UGT1A4: variants seen among roughly 807,000 people sequenced by gnomAD.
UGT1A4 encodes the protein UDP glucuronosyltransferase family 1 member A4.
UGT1A4 carries 32 observed loss-of-function variants against 41.1 expected under a neutral mutation model. That is an observed-to-expected ratio of 0.78 (90% CI 0.59 to 1.05). UGT1A4 has a LOEUF of 1.05. UGT1A4 is among the 50% of genes least tolerant of loss of function. UGT1A4 has a pLI of 0.00. For missense variants in UGT1A4, 748 were observed against 677.4 expected (o/e 1.10, Z -1.16); for synonymous variants, 283 against 265.1 (o/e 1.07, Z -0.66).
chr2:233,771,091 C>CAGG (rs1700235837), intron 4 of UGT1A4: 1 of 152,122 alleles, frequency 6.6e-6, no homozygotes, highest in African/African-American at 2.4e-5. Flanking sequence ...AACTCACTAT[C>CAGG]AGGAAGACAG....
chr2:233,744,809 C>T (rs1203148811), intron 1 of UGT1A4, among the ~76,000 whole-genome samples: 1 of 151,860 alleles, frequency 6.6e-6, no homozygotes. Context: ...CCTAGGATTT[C>T]CTGGCTCATA....
At chr2:233,743,730 C>T (rs189214805) in intron 1 of UGT1A4, 23 of 1,367,266 alleles carry the variant, frequency 1.7e-5, no homozygotes, top group South Asian at 3.4e-5. Context: ...TCATAGATAT[C>T]GCGTTTCTTG....
At position 233,726,533 on chromosome 2, in the gene UGT1A4, T is replaced by A. The variant is rs137884308; in HGVS notation, c.867+6846T>A. 1.1e-3 allele frequency among the ~76,000 whole-genome samples: 170 copies of A among 152,338 alleles called. 1 individual carries two copies. Among genetic ancestry groups the A allele is most frequent in the African/African-American group, 3.9e-3 (162 of 41,582 alleles). On this transcript the variant is annotated intron_variant, in intron 1 of 4. Coordinates refer to ENST00000373409, the MANE Select transcript of UGT1A4 (RefSeq NM_007120.3). ...TGGTACTTTTCCACTTTTAGGGAGATGCAGTGCAGCGTCTTCAAGTCTCCC... is the reference window on the plus strand; with the variant it reads ...TGGTACTTTTCCACTTTTAGGGAGAAGCAGTGCAGCGTCTTCAAGTCTCCC...
intron 1 of UGT1A4, among the ~76,000 whole-genome samples, chr2:233,762,246 C>T (rs569266202): frequency 2.4e-4 from 36 of 152,288 alleles, no homozygotes; most frequent in African/African-American, 8.2e-4. Flanking sequence ...ACAGAATAGG[C>T]ACCCACCGAA....
chr2:233,732,918 G>A (rs1288769205), intron 1 of UGT1A4, among the ~76,000 whole-genome samples: 3 of 151,996 alleles, frequency 2.0e-5, no homozygotes, highest in Non-Finnish European at 2.9e-5. Flanking sequence ...CCATTTTCAC[G>A]ATATTGATTC....
Position 233,727,076 on chromosome 2 carries a change from C to T in UGT1A4, c.867+7389C>T, listed in dbSNP as rs574728878. Among the ~76,000 whole-genome samples the T allele has an allele frequency of 2.4e-4, 36 of 152,290 alleles. No individual in the cohort carries two copies. In the South Asian group the frequency reaches 7.5e-3, roughly 32 times the overall value. ...GAAGATTAGTTTCTGTGTTCTCTTA[C>T]AAACATTAAAGAATTCCAGTTTGTG... On this transcript the variant is annotated intron_variant, in intron 1 of 4. Coordinates refer to ENST00000373409, the MANE Select transcript of UGT1A4 (RefSeq NM_007120.3).
In UGT1A4 at chr2:233,725,175, T is replaced by TG. The variant is rs1374547834; in HGVS notation, c.867+5492dup. On this transcript the variant is annotated intron_variant, in intron 1 of 4. Transcript: ENST00000373409. ...TCGGCTCTGCATGAGAGGGAGACCG[T>TG]GGGGAGAGGCAGAGGCAGAGGCAGA... Among the ~76,000 whole-genome samples the TG allele has an allele frequency of 1.3e-4, 11 of 81,994 alleles. 2 individuals are homozygous for TG. In the East Asian group the frequency reaches 2.4e-3, roughly 18 times the overall value. 53.8% of individuals were successfully genotyped at this position (81,994 alleles called of 152,430 possible). A position where few individuals can be genotyped will look rare whatever the true frequency, so the allele number is the denominator to read the frequency against.
At chr2:233,761,150 A>G (rs1384998466) in intron 1 of UGT1A4, 2 of 1,614,204 alleles carry the variant, frequency 1.2e-6, no homozygotes, top group Non-Finnish European at 1.7e-6. Flanking sequence ...CCACTATCCC[A>G]GGTGTGTATT....
rs573485749 is a variant in UGT1A4 at position 233,724,715 on chromosome 2, C to G, written c.867+5028C>G. On this transcript the variant is annotated intron_variant, in intron 1 of 4. Coordinates refer to ENST00000373409, the MANE Select transcript of UGT1A4 (RefSeq NM_007120.3). ...GTGAAGACGCTCCTCGCTTTCCAGACTGGGCAGCCAGGCAGAGGGGCTCCT... is the reference window on the plus strand; with the variant it reads ...GTGAAGACGCTCCTCGCTTTCCAGAGTGGGCAGCCAGGCAGAGGGGCTCCT... Among the ~76,000 whole-genome samples, 232 of 143,874 alleles carry G rather than the reference C, an allele frequency of 1.6e-3. 23 individuals carry two copies. Among genetic ancestry groups the G allele is most frequent in the African/African-American group, 6.0e-3 (227 of 38,016 alleles). The allele number at this position is 143,874 out of a possible 152,430, so 94.4% of individuals were successfully genotyped here. A position where few individuals can be genotyped will look rare whatever the true frequency, so the allele number is the denominator to read the frequency against.
At chr2:233,746,832 T>C (rs1693484231) in intron 1 of UGT1A4, among the ~76,000 whole-genome samples, 1 of 151,782 alleles carries the variant, frequency 6.6e-6, no homozygotes, top group Admixed American at 6.5e-5. Context: ...CCTACCACTG[T>C]TGGGGACCTC....
rs1236421933 is a variant in UGT1A4, at chr2:233,745,346, T to TG, written c.868-21683dup. 2.2e-4 allele frequency among the ~76,000 whole-genome samples: 34 copies of TG among 151,966 alleles called. 1 individual carries two copies. The highest frequency in any genetic ancestry group is 8.2e-4 in the African/African-American group (34 of 41,256). ...ACTGCTATATCATGACCATGAATTT[T>TG]GGGGGAATTTTTTTGAGATCTGAGT... is the stretch of plus-strand genomic sequence containing the variant. On this transcript the variant is annotated intron_variant, in intron 1 of 4. Coordinates refer to ENST00000373409, the MANE Select transcript of UGT1A4 (RefSeq NM_007120.3).
intron 1 of UGT1A4, among the ~76,000 whole-genome samples, chr2:233,724,980 CGCGGT>C (rs751350533): frequency 0.034 from 4,857 of 144,196 alleles, 246 homozygotes; most frequent in African/African-American, 0.053. Flanking sequence ...GCGGATCACT[CGCGGT>C]TAGGGGCTGG....
chr2:233,760,489 A>G (rs756552149), intron 1 of UGT1A4: 1 of 1,614,150 alleles, frequency 6.2e-7, no homozygotes, highest in Non-Finnish European at 8.5e-7. Context: ...CTCGTTGTAC[A>G]TCAGAGACGG....
rs558109660 is a variant in UGT1A4, at chr2:233,768,353, TA to T, written c.1223del (p.Lys408ArgfsTer5). The T allele has an allele frequency of 4.0e-5, 64 of 1,614,032 alleles. No individual in the cohort carries two copies. Among genetic ancestry groups the T allele is most frequent in the Non-Finnish European group, 5.4e-5 (64 of 1,180,040 alleles). ...TGGACAATGCAAAGCGCATGGAGAC[TA>T]AGGGAGCTGGAGTGACCCTGAATGT... ...QMDNAKRMET[K>X]GAGVTLNVLE... is the part of the protein sequence containing the mutation. On this transcript the variant is annotated frameshift_variant, in exon 4 of 5. Coordinates refer to ENST00000373409, the MANE Select transcript of UGT1A4 (RefSeq NM_007120.3). LOFTEE classifies it high-confidence loss of function.
At chr2:233,747,365 C>T (rs954513567) in intron 1 of UGT1A4, 1 of 1,604,254 alleles carries the variant, frequency 6.2e-7, no homozygotes, top group Non-Finnish European at 8.5e-7. Context: ...TGCGGGAGCT[C>T]CATGCCAGAG....
At chr2:233,755,170 T>A (rs1240762958) in intron 1 of UGT1A4, 1 of 1,262,070 alleles carries the variant, frequency 7.9e-7, no homozygotes. Context: ...TCGGGGTTTT[T>A]GTCGGGGTGC....
At chr2:233,742,446 G>A (rs1691980531) in intron 1 of UGT1A4, among the ~76,000 whole-genome samples, 1 of 151,938 alleles carries the variant, frequency 6.6e-6, no homozygotes, top group South Asian at 2.1e-4. Flanking sequence ...GGTGGGCCAG[G>A]TGTTCCTTGC....
Position 233,759,652 on chromosome 2 carries a change from C to T in UGT1A4, c.868-7382C>T, listed in dbSNP as rs35665780. Among the ~76,000 whole-genome samples the T allele has an allele frequency of 2.9e-3, 358 of 121,974 alleles. 3 individuals are homozygous for T. Among genetic ancestry groups the T allele is most frequent in the Middle Eastern group, 0.024 (3 of 124 alleles). The allele number at this position is 121,974 out of a possible 152,430, so 80.0% of individuals were successfully genotyped here. A position where few individuals can be genotyped will look rare whatever the true frequency, so the allele number is the denominator to read the frequency against. On this transcript the variant is annotated intron_variant, in intron 1 of 4. Coordinates refer to ENST00000373409, the MANE Select transcript of UGT1A4 (RefSeq NM_007120.3). The stretch of plus-strand genomic sequence containing the variant: ...TCCTTCTTAGCATGCTTCACGATTT[C>T]TAAGTTCCTGCTCATGTGTTTAAAT...
chr2:233,729,981 G>A (rs747249815), intron 1 of UGT1A4: 1 of 1,614,052 alleles, frequency 6.2e-7, no homozygotes, highest in Non-Finnish European at 8.5e-7. Flanking sequence ...CCAACAGGAA[G>A]CCACTATCTC....
Sources: gnomAD v4.1 joint callset for allele counts (sites outside exome capture counted in the v4.1 genomes callset) on GRCh38, gnomAD v4.1.1 for gene constraint, MANE v1.5 for transcripts, NCBI Gene and HGNC (gene_info 2026-07-23, HGNC 2026-07-21) for gene names.